The following DSG4 variants were observed in gnomAD, a reference collection of about 807,000 sequenced individuals.
The protein encoded by DSG4 is desmoglein 4.
DSG4 carries 87 observed loss-of-function variants against 93.1 expected under a neutral mutation model. That is an observed-to-expected ratio of 0.93 (90% CI 0.79 to 1.12). The LOEUF (loss-of-function observed/expected upper bound fraction) is 1.12, where lower values mean the gene tolerates loss of function less well. Ranked by LOEUF, DSG4 falls within the 50% of genes most tolerant of loss-of-function variation. The pLI is 0.00. For missense variants in DSG4, 1,373 were observed against 1,285.7 expected (o/e 1.07, Z -1.04); for synonymous variants, 432 against 452.9 (o/e 0.95, Z 0.59).
chr18:31,408,934 T>C (rs969844339), intron 12 of DSG4, among the ~76,000 whole-genome samples: 2 of 152,220 alleles, frequency 1.3e-5, no homozygotes, highest in African/African-American at 4.8e-5. Flanking sequence ...CTTTAATTTT[T>C]CATTATAGTC....
intron 2 of DSG4, 53 bp from the exon 3 acceptor site, chr18:31,386,631 CCTTT>C (rs1258228415): frequency 8.1e-6 from 13 of 1,606,066 alleles, no homozygotes; most frequent in Non-Finnish European, 1.1e-5. Context: ...AAATAAATGT[CCTTT>C]CTAAGTAAAA....
chr18:31,402,201 T>C (rs769109237), intron 10 of DSG4, among the ~76,000 whole-genome samples: 18 of 152,134 alleles, frequency 1.2e-4, no homozygotes, highest in Non-Finnish European at 2.4e-4. Flanking sequence ...CTAAGCAGAG[T>C]GTCTGCACTG....
At chr18:31,382,945 T>G (rs1278233169) in intron 1 of DSG4, among the ~76,000 whole-genome samples, 5 of 152,192 alleles carry the variant, frequency 3.3e-5, no homozygotes, top group Non-Finnish European at 7.3e-5. Context: ...TGAGCTGGGC[T>G]CTGTAGAAAG....
rs766803039 is a variant in DSG4, at chr18:31,399,351, C to T, written c.1085C>T (p.Ala362Val). 9 of 1,614,098 alleles carry T rather than the reference C, an allele frequency of 5.6e-6. No homozygotes were observed. Among genetic ancestry groups the T allele is most frequent in the Non-Finnish European group, 7.6e-6 (9 of 1,179,962 alleles). Residue 362 changes from alanine to valine, a missense_variant, in exon 9 of 16, where the codon GCT becomes GTT. Physicochemically the swap from Ala to Val is moderately conservative, Grantham distance 64. Coordinates refer to ENST00000308128, the MANE Select transcript of DSG4 (RefSeq NM_177986.5). ...KNQADFHYSV[A>V]SQFQMHPTPV... ...CAAGCTGATTTTCACTACTCCGTTG[C>T]TTCTCAATTCCAAATGCACCCAACC... is the stretch of plus-strand genomic sequence containing the variant.
At chr18:31,390,902 TACTC>T in intron 6 of DSG4, 80 bp downstream of exon 6, 1 of 1,541,636 alleles carries the variant, frequency 6.5e-7, no homozygotes, top group Non-Finnish European at 8.8e-7. Flanking sequence ...TGTGTACCCT[TACTC>T]CAATATAAAG....
At chr18:31,377,954 G>A (rs148125781) in intron 1 of DSG4, among the ~76,000 whole-genome samples, 25 of 152,352 alleles carry the variant, frequency 1.6e-4, no homozygotes, top group Non-Finnish European at 3.1e-4. Flanking sequence ...TCAGTTGTAA[G>A]AGACAGAGAG....
In DSG4 at chr18:31,390,776, G is replaced by A. The variant is rs1166279755; in HGVS notation, c.638G>A (p.Arg213Lys). ...GGTGCACCCATGTTCATTCTGAATA[G>A]GTACACTGGAGAAGTCTGCACCATG... The part of the protein sequence containing the change: ...PSGAPMFILN[R>K]YTGEVCTMSS... The change falls in exon 6 of 16, where the codon AGG becomes AAG. Residue 213 changes from arginine (R) to lysine (K), a missense_variant. Physicochemically the swap from Arg to Lys is conservative, Grantham distance 26. Coordinates refer to ENST00000308128, the MANE Select transcript of DSG4 (RefSeq NM_177986.5). 1 of 1,613,684 alleles carries A rather than the reference G, an allele frequency of 6.2e-7. No individual in the cohort carries two copies. Among genetic ancestry groups the A allele is most frequent in the Non-Finnish European group, 8.5e-7 (1 of 1,179,758 alleles).
chr18:31,412,744 G>A, intron 15 of DSG4, 84 bp from the exon 16 acceptor site: 1 of 1,434,292 alleles, frequency 7.0e-7, no homozygotes, highest in Non-Finnish European at 9.6e-7. Context: ...ACTTAACTCA[G>A]AAGTCTCTCT....
At chr18:31,377,880 G>A (rs1043210467) in intron 1 of DSG4, among the ~76,000 whole-genome samples, 1 of 152,214 alleles carries the variant, frequency 6.6e-6, no homozygotes, top group Non-Finnish European at 1.5e-5. Flanking sequence ...TACAACCTAA[G>A]CTTAGAAAGT....
chr18:31,404,820 A>C (rs1193220173), intron 11 of DSG4, among the ~76,000 whole-genome samples: 1 of 152,228 alleles, frequency 6.6e-6, no homozygotes, highest in Non-Finnish European at 1.5e-5. Flanking sequence ...ATTCATAAAC[A>C]ATAATAATTG....
In DSG4 at chr18:31,385,791, C is replaced by G. The variant is rs1335199666; in HGVS notation, c.84+620C>G. 2.0e-5 allele frequency among the ~76,000 whole-genome samples: 3 copies of G among 152,102 alleles called. No homozygotes were observed. In the East Asian group the frequency reaches 5.8e-4, roughly 29 times the overall value. The stretch of plus-strand genomic sequence containing the variant: ...AAAATGGAGAAATAATGTAAATACT[C>G]TGGTTGTAATATATGCTTCATTCAG... On this transcript the variant is annotated intron_variant, in intron 2 of 15. Coordinates refer to ENST00000308128, the MANE Select transcript of DSG4 (RefSeq NM_177986.5).
chr18:31,398,875 T>C (rs1472103300), intron 8 of DSG4, among the ~76,000 whole-genome samples: 2 of 152,174 alleles, frequency 1.3e-5, no homozygotes, highest in Non-Finnish European at 2.9e-5. Context: ...CAGATGTGAG[T>C]TCTATAAAGG....
chr18:31,401,244 G>A (rs764256776), intron 10 of DSG4, among the ~76,000 whole-genome samples: 2 of 152,030 alleles, frequency 1.3e-5, no homozygotes, highest in South Asian at 2.1e-4. Context: ...AGTTGTATAT[G>A]GCTTACAGCA....
rs980254409 is a variant in DSG4 at position 31,390,548 on chromosome 18, C to G, written c.518-108C>G. ...ACTATATTCCCATGGAAAACTCAAA[C>G]AGAGAGAATTCAGGAGAAGGCCAAC... On this transcript the variant is annotated intron_variant, in intron 5 of 15. Coordinates refer to ENST00000308128, the MANE Select transcript of DSG4 (RefSeq NM_177986.5). 4.5e-6 allele frequency: 6 copies of G among 1,319,984 alleles called. No individual in the cohort carries two copies. The Admixed American group carries it at 1.0e-4, about 23-fold the overall frequency. 81.8% of individuals were successfully genotyped at this position (1,319,984 alleles called of 1,614,324 possible).
At chr18:31,398,592 T>G (rs2072330068) in intron 8 of DSG4, among the ~76,000 whole-genome samples, 1 of 152,230 alleles carries the variant, frequency 6.6e-6, no homozygotes, top group Admixed American at 6.5e-5. Flanking sequence ...ACTTTTTCAT[T>G]GTGACTTTTC....
rs112548402 is a variant in DSG4 at position 31,413,408 on chromosome 18, A to T, written c.2936A>T (p.Asn979Ile). The T allele has an allele frequency of 3.7e-6, 6 of 1,613,998 alleles. No individual in the cohort carries two copies. In the African/African-American group the frequency reaches 4.0e-5, roughly 11 times the overall value. Residue 979 changes from asparagine to isoleucine, a missense_variant, in exon 16 of 16, where the codon AAT becomes ATT. By Grantham distance (149) the Asn-to-Ile change is moderately radical. Transcript: ENST00000308128. Reference protein sequence around the residue: ...LASPGVPDMSNSSTTEGCMGP... With the variant: ...LASPGVPDMSISSTTEGCMGP... ...AGTCCTGGTGTGCCTGACATGAGCA[A>T]TAGTAGCACGACTGAGGGTTGTATG...
At chr18:31,408,506 G>A (rs979809083) in intron 12 of DSG4, among the ~76,000 whole-genome samples, 6 of 152,180 alleles carry the variant, frequency 3.9e-5, no homozygotes, top group African/African-American at 1.4e-4. Context: ...TAAGACTAAA[G>A]CTGATTTTGC....
At chr18:31,412,752 T>C in intron 15 of DSG4, 76 bp from the exon 16 acceptor site, 1 of 1,501,954 alleles carries the variant, frequency 6.7e-7, no homozygotes, top group Middle Eastern at 1.8e-4. Context: ...CAGAAGTCTC[T>C]CTGAGGGATT....
chr18:31,399,630 T>C, intron 9 of DSG4, 87 bp downstream of exon 9: 1 of 1,549,276 alleles, frequency 6.5e-7, no homozygotes, highest in East Asian at 2.2e-5. Context: ...TTGTAATACT[T>C]TTGGAGGGCT....
Sources: gnomAD v4.1 joint callset for allele counts (sites outside exome capture counted in the v4.1 genomes callset) on GRCh38, gnomAD v4.1.1 for gene constraint, MANE v1.5 for transcripts, NCBI Gene and HGNC (gene_info 2026-07-23, HGNC 2026-07-21) for gene names.